The following DNAH8 variants were observed in gnomAD, a reference collection of about 807,000 sequenced individuals.
DNAH8 encodes axonemal beta dynein heavy chain 8.
DNAH8 carries 382 observed loss-of-function variants against 562.1 expected under a neutral mutation model. That is an observed-to-expected ratio of 0.68 (90% CI 0.63 to 0.74). DNAH8 has a LOEUF of 0.74. DNAH8 is among the 30% of genes least tolerant of loss of function. The pLI, the probability that DNAH8 is intolerant of heterozygous loss-of-function variation, is 0.00. For synonymous variants in DNAH8, 1,881 were observed against 1,919.4 expected, an observed-to-expected ratio of 0.98 and a Z score of 0.52; for missense variants, 5,203 against 5,620.4, an observed-to-expected ratio of 0.93 and a Z score of 2.37.
In DNAH8 at chr6:38,791,432, C is replaced by T. The variant is rs1007657697; in HGVS notation, c.2782-123C>T. Reference sequence around the variant, plus strand: ...AAAATGTTCACCAAATTATGCTTGGCTCAAGATGCAAGTTTCTAGACTTAG... The same window carrying T: ...AAAATGTTCACCAAATTATGCTTGGTTCAAGATGCAAGTTTCTAGACTTAG... On this transcript the variant is annotated intron_variant, in intron 20 of 92. Transcript: ENST00000327475. 3.3e-6 allele frequency: 4 copies of T among 1,205,086 alleles called. No individual in the cohort carries two copies. The South Asian group carries it at 6.8e-5, about 21-fold the overall frequency. The allele number at this position is 1,205,086 out of a possible 1,614,324, so 74.6% of individuals were successfully genotyped here. A position where few individuals can be genotyped will look rare whatever the true frequency, so the allele number is the denominator to read the frequency against.
intron 88 of DNAH8, among the ~76,000 whole-genome samples, chr6:38,990,907 C>T (rs570160948): frequency 6.6e-6 from 1 of 152,314 alleles, no homozygotes; most frequent in South Asian, 2.1e-4. Flanking sequence ...CTCTGCAGCC[C>T]CCTGATGAAA....
rs139046748 is a variant in DNAH8 at position 38,982,430 on chromosome 6, C to A, written c.12919C>A (p.Gln4307Lys). 9 of 1,593,798 alleles carry A rather than the reference C, an allele frequency of 5.6e-6. No homozygotes were observed. The African/African-American group carries it at 1.2e-4, about 21-fold the overall frequency. Reference sequence around the variant, plus strand: ...CTTTTCAGCCAGTGTTCAGTTTATTCAGAATCACCTTGATGAATGCGATAT... The same window carrying A: ...CTTTTCAGCCAGTGTTCAGTTTATTAAGAATCACCTTGATGAATGCGATAT... ...ADFSASVQFI[Q>K]NHLDECDIKK... is the part of the protein sequence containing the mutation. Residue 4307 changes from glutamine to lysine, a missense_variant, in exon 86 of 93, where the codon CAG (glutamine) becomes AAG (lysine). Around this residue, in one of 6 missense-constraint regions of DNAH8, gnomAD observed 1,399 missense variants for 1,518.4 expected, o/e 0.92. Transcript: ENST00000327475.
At chr6:38,747,208 T>G (rs1463108082) in intron 8 of DNAH8, among the ~76,000 whole-genome samples, 1 of 152,142 alleles carries the variant, frequency 6.6e-6, no homozygotes, top group South Asian at 2.1e-4. Context: ...TATTATTATC[T>G]TCCCCATTTT....
At chr6:38,997,716 T>C (rs1180063775) in intron 88 of DNAH8, among the ~76,000 whole-genome samples, 1 of 152,168 alleles carries the variant, frequency 6.6e-6, no homozygotes, top group African/African-American at 2.4e-5. Flanking sequence ...TATCTGACCA[T>C]CCATGGTGTT....
chr6:38,875,856 G>T (rs777501867), intron 53 of DNAH8, 28 bp downstream of exon 53: 1 of 1,446,056 alleles, frequency 6.9e-7, no homozygotes. Flanking sequence ...TACCTTAAAT[G>T]AAATGACTTT....
At chr6:38,774,693 A>G (rs891959496) in intron 12 of DNAH8, among the ~76,000 whole-genome samples, 2 of 152,180 alleles carry the variant, frequency 1.3e-5, no homozygotes, top group East Asian at 3.8e-4. Context: ...GTAAGGGGTA[A>G]AGGAAACAGT....
At chr6:38,766,395 A>T (rs1033964389) in intron 11 of DNAH8, among the ~76,000 whole-genome samples, 3 of 152,156 alleles carry the variant, frequency 2.0e-5, no homozygotes, top group Non-Finnish European at 2.9e-5. Flanking sequence ...CAATGACGAG[A>T]TATTGGTGAA....
intron 67 of DNAH8, among the ~76,000 whole-genome samples, chr6:38,914,428 T>G (rs1389020855): frequency 1.6e-5 from 2 of 125,524 alleles, no homozygotes; most frequent in Non-Finnish European, 3.2e-5. Context: ...TGAGACAGAG[T>G]CTTGCTCTGT....
At chr6:38,818,231 A>AT (rs372534983) in intron 26 of DNAH8, among the ~76,000 whole-genome samples, 1 of 151,994 alleles carries the variant, frequency 6.6e-6, no homozygotes, top group East Asian at 1.9e-4. Context: ...TCAGTATCTA[A>AT]TTTTTTTATG....
chr6:38,722,096 CTTCA>C (rs1482926568), intron 1 of DNAH8, among the ~76,000 whole-genome samples: 3 of 152,290 alleles, frequency 2.0e-5, no homozygotes, highest in South Asian at 4.1e-4. Flanking sequence ...TTCTACACTT[CTTCA>C]TTATTAGAGC....
chr6:38,842,898 A>G lies in DNAH8; in HGVS notation c.4840A>G (p.Ile1614Val), dbSNP rs1431714583. 6.2e-7 allele frequency: 1 copy of G among 1,613,234 alleles called. No homozygotes were observed. Among genetic ancestry groups the G allele is most frequent in the African/African-American group, 1.3e-5 (1 of 74,906 alleles). The part of the protein sequence containing the change: ...EAPLLKHKDD[I>V]EDICISAIKE... ...ACCACTCCTTAAACATAAGGATGATATTGAGGTACATAAGTGTATACGTTC... is the reference window on the plus strand; with the variant it reads ...ACCACTCCTTAAACATAAGGATGATGTTGAGGTACATAAGTGTATACGTTC... Residue 1614 changes from isoleucine to valine, a missense_variant, in exon 35 of 93, where the codon ATT (isoleucine) becomes GTT (valine). Coordinates refer to ENST00000327475, the MANE Select transcript of DNAH8 (RefSeq NM_001206927.2).
chr6:38,968,235 G>A (rs909254095), intron 82 of DNAH8, among the ~76,000 whole-genome samples: 3 of 152,068 alleles, frequency 2.0e-5, no homozygotes, highest in Non-Finnish European at 4.4e-5. Flanking sequence ...CGTGGATTAG[G>A]CAATGGTTTT....
intron 28 of DNAH8, among the ~76,000 whole-genome samples, chr6:38,824,124 G>A (rs902560495): frequency 1.3e-5 from 2 of 152,166 alleles, no homozygotes; most frequent in Admixed American, 6.5e-5. Context: ...TGGGATTAGA[G>A]TATCAAAGGA....
At chr6:38,849,969 G>C (rs1775613415) in intron 37 of DNAH8, among the ~76,000 whole-genome samples, 1 of 152,092 alleles carries the variant, frequency 6.6e-6, no homozygotes, top group South Asian at 2.1e-4. Context: ...TGATAGCTCT[G>C]CAAATTAATC....
chr6:38,959,076 C>T (rs1762450832), intron 82 of DNAH8, among the ~76,000 whole-genome samples: 1 of 152,132 alleles, frequency 6.6e-6, no homozygotes, highest in Admixed American at 6.5e-5. Context: ...TAAGATTCAA[C>T]ATTCCTTTGT....
At chr6:38,843,582 G>A (rs1775023260) in intron 35 of DNAH8, among the ~76,000 whole-genome samples, 2 of 151,942 alleles carry the variant, frequency 1.3e-5, no homozygotes, top group South Asian at 4.2e-4. Context: ...ATCAACTCAT[G>A]GCCAATATTA....
In DNAH8 at chr6:38,971,544, G is replaced by A. The variant is rs372801290; in HGVS notation, c.12452-48G>A. The A allele has an allele frequency of 1.6e-5, 18 of 1,147,842 alleles. No individual in the cohort carries two copies. In the African/African-American group the frequency reaches 2.4e-4, roughly 15 times the overall value. The allele number at this position is 1,147,842 out of a possible 1,614,324, so 71.1% of individuals were successfully genotyped here. On this transcript the variant is annotated intron_variant, in intron 82 of 92. Coordinates refer to ENST00000327475, the MANE Select transcript of DNAH8 (RefSeq NM_001206927.2). The stretch of plus-strand genomic sequence containing the variant: ...GAAATTAATTTTTCATTCTAATCCT[G>A]CTGTAAGAGTTGTGTTTCATCATAG...
rs367790601 is a variant in DNAH8 at position 38,803,160 on chromosome 6, T to A, written c.2902-19T>A. ...CTTTTAAGTATCTGGAAAATAATAG[T>A]CATTTCTTTATTTAACAGACATACA... On this transcript the variant is annotated intron_variant, in intron 21 of 92. Transcript: ENST00000327475. 5.8e-6 allele frequency: 9 copies of A among 1,542,008 alleles called. No individual in the cohort carries two copies. In the African/African-American group the frequency reaches 1.2e-4, roughly 21 times the overall value.
At chr6:38,805,427 C>T in intron 22 of DNAH8, 54 bp from the exon 23 acceptor site, 1 of 1,116,740 alleles carries the variant, frequency 9.0e-7, no homozygotes, top group Non-Finnish European at 1.4e-6. Context: ...ATGTAGAATA[C>T]AGACAATGCT....
Sources: gnomAD v4.1 joint callset for allele counts (sites outside exome capture counted in the v4.1 genomes callset) on GRCh38, gnomAD v4.1.1 for gene constraint, gnomAD v4.1.1 regional missense constraint, MANE v1.5 for transcripts, NCBI Gene and HGNC (gene_info 2026-07-23, HGNC 2026-07-21) for gene names.